Variants in NDUFA10 observed in about 807,000 individuals in gnomAD.
NDUFA10 encodes the protein NADH:ubiquinone oxidoreductase subunit A10, also known as NADH dehydrogenase [ubiquinone] 1 alpha subcomplex subunit 10, mitochondrial.
In NDUFA10, 40 loss-of-function variants were observed where a neutral mutation model predicts 47.8. That is an observed-to-expected ratio of 0.84 (90% CI 0.65 to 1.09). The LOEUF (loss-of-function observed/expected upper bound fraction) is 1.09. NDUFA10 is among the 50% of genes least tolerant of loss of function. The pLI, the probability that NDUFA10 is intolerant of heterozygous loss-of-function variation, is 0.00. For missense variants in NDUFA10, 413 were observed against 451.1 expected (o/e 0.92, Z 0.76); for synonymous variants, 183 against 172.2 (o/e 1.06, Z -0.49).
chr2:239,910,014 AG>A (rs1693721856), intron 4 of NDUFA10, among the ~76,000 whole-genome samples: 1 of 152,158 alleles, frequency 6.6e-6, no homozygotes, highest in Non-Finnish European at 1.5e-5. Context: ...AACCACAATG[AG>A]ATATCATCTC....
intron 9 of NDUFA10, among the ~76,000 whole-genome samples, chr2:239,986,623 G>A (rs1696013679): frequency 6.6e-6 from 1 of 152,174 alleles, no homozygotes; most frequent in Non-Finnish European, 1.5e-5. Context: ...ATAAATAAAT[G>A]GGGAGAAGGG....
Position 239,960,398 on chromosome 2 carries a change from T to C in NDUFA10, c.*720A>G. ...ATAAAGAGAGTATATTATTTTGCTT[T>C]TGCATCTTATGTCATCAACAGCCTA... On this transcript the variant is annotated 3_prime_UTR_variant, in exon 10 of 10. Transcript: ENST00000252711. The C allele has an allele frequency of 2.0e-6, 2 of 986,134 alleles. No homozygotes were observed. The highest frequency in any genetic ancestry group is 2.4e-6 in the Non-Finnish European group (2 of 830,456). 61.1% of individuals were successfully genotyped at this position (986,134 alleles called of 1,614,324 possible).
At chr2:239,915,481 GAA>G (rs1693848109) in intron 4 of NDUFA10, among the ~76,000 whole-genome samples, 1 of 115,302 alleles carries the variant, frequency 8.7e-6, no homozygotes. Flanking sequence ...CACACACACA[GAA>G]CACACACACA....
At chr2:239,989,094 G>A (rs1351756344) in intron 9 of NDUFA10, among the ~76,000 whole-genome samples, 5 of 152,332 alleles carry the variant, frequency 3.3e-5, no homozygotes, top group African/African-American at 4.8e-5. Flanking sequence ...ACTCACACAC[G>A]TGTACAAAGA....
At chr2:239,901,850 A>C (rs1171701922) in intron 4 of NDUFA10, among the ~76,000 whole-genome samples, 1 of 152,086 alleles carries the variant, frequency 6.6e-6, no homozygotes, top group African/African-American at 2.4e-5. Flanking sequence ...AAGGGGTTCA[A>C]GACTTCAGTG....
Position 239,906,708 on chromosome 2 carries a change from G to A in NDUFA10, c.295-11394C>T, listed in dbSNP as rs979619121. ...CCTCCTTTCTTCTTGATGAAAAGGT[G>A]TGCTGCCTCTTCAAGGAGTACTACA... On this transcript the variant is annotated intron_variant, in intron 4 of 5. Coordinates refer to the NDUFA10 transcript ENST00000419408. This position sits in a 1 kb window ranked among gnomAD's most constrained non-coding sequence, Gnocchi z 4.3. Among the ~76,000 whole-genome samples, 4 of 152,162 alleles carry A rather than the reference G, an allele frequency of 2.6e-5. No individual in the cohort carries two copies. The highest frequency in any genetic ancestry group is 7.2e-5 in the African/African-American group (3 of 41,420).
intron 4 of NDUFA10, among the ~76,000 whole-genome samples, chr2:239,915,534 A>AACAT (rs1194452627): frequency 1.4e-4 from 18 of 131,558 alleles, no homozygotes; most frequent in African/African-American, 5.6e-4. Flanking sequence ...CAGATACACA[A>AACAT]ACATACACAG....
intron 5 of NDUFA10, among the ~76,000 whole-genome samples, chr2:239,893,636 G>T (rs1693336193): frequency 6.6e-6 from 1 of 152,130 alleles, no homozygotes; most frequent in South Asian, 2.1e-4. Context: ...CCCTGCTCAA[G>T]CCCTTCCATA....
At chr2:239,949,313 C>T (rs1694511682) in intron 4 of NDUFA10, among the ~76,000 whole-genome samples, 1 of 152,200 alleles carries the variant, frequency 6.6e-6, no homozygotes, top group African/African-American at 2.4e-5. Context: ...TCCAACCCGA[C>T]TGGACTACAG....
At chr2:239,996,937 G>C (rs763966327) in intron 8 of NDUFA10, among the ~76,000 whole-genome samples, 3 of 151,690 alleles carry the variant, frequency 2.0e-5, no homozygotes, top group Non-Finnish European at 4.4e-5. Flanking sequence ...ATCATCTCTA[G>C]AGTATGTATA....
intron 4 of NDUFA10, among the ~76,000 whole-genome samples, chr2:239,920,848 G>T (rs2106367875): frequency 6.6e-6 from 1 of 152,332 alleles, no homozygotes; most frequent in Admixed American, 6.5e-5. Context: ...AGGCGGAGGG[G>T]TGGGGTCGTC....
rs28694034 is a variant in NDUFA10 at position 239,913,081 on chromosome 2, G to C, written c.295-17767C>G. ...TGCCACTCGGGGCCACTGCTGAGTGGGGCTGTAGGATAACCACCAGCCCAC... is the reference window on the plus strand; with the variant it reads ...TGCCACTCGGGGCCACTGCTGAGTGCGGCTGTAGGATAACCACCAGCCCAC... On this transcript the variant is annotated intron_variant, in intron 4 of 5. Coordinates refer to the NDUFA10 transcript ENST00000419408. Among the ~76,000 whole-genome samples the C allele has an allele frequency of 8.8e-3, 1,339 of 152,318 alleles. 20 individuals are homozygous for C. The highest frequency in any genetic ancestry group is 0.031 in the African/African-American group (1,280 of 41,578).
chr2:239,968,907 T>C (rs1695199458), intron 9 of NDUFA10, among the ~76,000 whole-genome samples: 1 of 152,220 alleles, frequency 6.6e-6, no homozygotes, highest in Non-Finnish European at 1.5e-5. Context: ...TGGCCATGCC[T>C]TGATACTGGG....
chr2:239,933,951 G>A (rs1295259485), intron 4 of NDUFA10, among the ~76,000 whole-genome samples: 1 of 152,136 alleles, frequency 6.6e-6, no homozygotes, highest in African/African-American at 2.4e-5. Flanking sequence ...TTGAACATCT[G>A]GGCTCAAGCA....
chr2:239,952,555 GT>G (rs1335134264), downstream of NDUFA10, among the ~76,000 whole-genome samples: 2 of 152,216 alleles, frequency 1.3e-5, no homozygotes, highest in Admixed American at 1.3e-4. Flanking sequence ...CCCTGTAGGG[GT>G]TTTTCTGGGT....
chr2:239,943,447 G>A lies in NDUFA10; in HGVS notation c.294+46627C>T, dbSNP rs145151979. ...TTTCCTGGGCTCAAGTGATCCTCCC[G>A]CCTCAGCCTCCCAAAGTGTTGGGAT... On this transcript the variant is annotated intron_variant, in intron 4 of 5. Transcript: ENST00000419408. Among the ~76,000 whole-genome samples the A allele has an allele frequency of 7.8e-3, 1,186 of 152,200 alleles. 21 individuals carry two copies. The highest frequency in any genetic ancestry group is 0.027 in the African/African-American group (1,106 of 41,520).
chr2:239,926,899 G>A (rs1407614370), intron 4 of NDUFA10, among the ~76,000 whole-genome samples: 3 of 152,118 alleles, frequency 2.0e-5, no homozygotes, highest in South Asian at 2.1e-4. Context: ...GGTGGAGAGC[G>A]AAGGGGAAGC....
intron 4 of NDUFA10, among the ~76,000 whole-genome samples, chr2:239,933,344 C>T (rs991353245): frequency 1.4e-4 from 21 of 152,140 alleles, no homozygotes; most frequent in African/African-American, 3.4e-4. Context: ...TTCCCTGTCT[C>T]GCTGTCTCCT....
intron 9 of NDUFA10, chr2:239,982,014 C>T (rs1695795741): frequency 8.9e-6 from 13 of 1,468,230 alleles, no homozygotes; most frequent in African/African-American, 4.1e-5. Context: ...AGGAAATAAC[C>T]GGCTGCCAAC....
Sources: allele counts gnomAD v4.1 joint callset (sites outside exome capture counted in the v4.1 genomes callset), GRCh38; gene constraint gnomAD v4.1.1; non-coding constraint Gnocchi (gnomAD v3.1); transcripts MANE v1.5; gene names NCBI Gene and HGNC (gene_info 2026-07-23, HGNC 2026-07-21).